Variants in TBC1D7 observed in about 807,000 individuals in gnomAD.
TBC1D7 encodes TBC1 domain family member 7.
TBC1D7 carries 33 observed loss-of-function variants against 35.3 expected under a neutral mutation model. The ratio of observed to expected loss-of-function variants is 0.93; its 90% CI spans 0.71 to 1.25. The LOEUF is 1.25. TBC1D7 is among the 50% of genes most tolerant of loss of function. TBC1D7 has a pLI of 0.00. For synonymous variants in TBC1D7, 135 were observed against 129.5 expected (o/e 1.04, Z -0.29); for missense variants, 362 against 365.3 (o/e 0.99, Z 0.07).
intron 5 of TBC1D7, among the ~76,000 whole-genome samples, chr6:13,315,811 T>C (rs1783566324): frequency 6.6e-6 from 1 of 152,236 alleles, no homozygotes; most frequent in Non-Finnish European, 1.5e-5. Context: ...AGTAGGTTAT[T>C]AGTAGTTAGG....
intron 5 of TBC1D7, among the ~76,000 whole-genome samples, chr6:13,308,119 T>C (rs1782936862): frequency 6.6e-6 from 1 of 152,166 alleles, no homozygotes; most frequent in Admixed American, 6.5e-5. Flanking sequence ...ATTATATTAC[T>C]GGCTGGTCTA....
At chr6:13,313,159 C>A (rs1783352274) in intron 5 of TBC1D7, among the ~76,000 whole-genome samples, 1 of 152,106 alleles carries the variant, frequency 6.6e-6, no homozygotes, top group South Asian at 2.1e-4. Context: ...GACTTGAACA[C>A]CCATGAATTT....
At position 13,306,509 on chromosome 6, in the gene TBC1D7, C is replaced by G. The variant is rs752958508; in HGVS notation, c.684G>C (p.Val228=). 2 of 1,602,770 alleles carry G rather than the reference C, an allele frequency of 1.2e-6. No individual in the cohort carries two copies. Among genetic ancestry groups the G allele is most frequent in the Admixed American group, 3.5e-5 (2 of 56,874 alleles). The part of the protein sequence containing the change: ...SSLQRVWDKV[V]SGSCKILVFV... The stretch of plus-strand genomic sequence containing the variant: ...AAACTAGGATCTTACAGGATCCACT[C>G]ACAACTTTATCCCAAACCCTACAAA... Residue 228 remains valine (V), a synonymous_variant, in exon 7 of 8, where the codon GTG becomes GTC. Transcript: ENST00000379300.
intron 3 of TBC1D7, among the ~76,000 whole-genome samples, chr6:13,322,622 AAGAACACCCC>A (rs1784120777): frequency 6.6e-6 from 1 of 152,328 alleles, no homozygotes. Context: ...TAGTATTCTA[AAGAACACCCC>A]AGAAAACAAA....
rs185412735 is a variant in TBC1D7 at position 13,307,636 on chromosome 6, C to T, written c.629G>A (p.Cys210Tyr). The T allele has an allele frequency of 8.1e-6, 13 of 1,614,176 alleles. No individual in the cohort carries two copies. The East Asian group carries it at 1.6e-4, about 19-fold the overall frequency. The change falls in exon 6 of 8, where the codon TGC (cysteine) becomes TAC (tyrosine). Residue 210 changes from cysteine (C) to tyrosine (Y), a missense_variant. Physicochemically the swap from Cys to Tyr is radical, Grantham distance 194 (BLOSUM62 -2). Transcript: ENST00000379300. ...KLPYDLWFKR[C>Y]FAGCLPESSL... is the part of the protein sequence containing the mutation. ...GGATTCAGGCAAACATCCCGCAAAG[C>T]ACCTCTTGAACCAGAGATCATAAGG...
chr6:13,305,339 G>A, intron 7 of TBC1D7, 152 bp from the exon 8 acceptor site: 1 of 752,042 alleles, frequency 1.3e-6, no homozygotes, highest in Middle Eastern at 2.3e-4. Flanking sequence ...CATGCTACCT[G>A]AGGACATGAA....
chr6:13,324,139 T>C (rs1584572350), intron 3 of TBC1D7, among the ~76,000 whole-genome samples: 1 of 152,072 alleles, frequency 6.6e-6, no homozygotes, highest in Admixed American at 6.5e-5. Flanking sequence ...TTTTGTTTTT[T>C]TTTTTGGAGA....
intron 5 of TBC1D7, among the ~76,000 whole-genome samples, chr6:13,316,193 G>T (rs1354586846): frequency 6.6e-6 from 1 of 152,178 alleles, no homozygotes; most frequent in Non-Finnish European, 1.5e-5. Context: ...ATTATATGCA[G>T]CCAAATGAAA....
chr6:13,320,765 G>T, intron 4 of TBC1D7, 143 bp downstream of exon 4: 1 of 816,276 alleles, frequency 1.2e-6, no homozygotes, highest in Non-Finnish European at 2.1e-6. Context: ...GGCCATGAAT[G>T]CCAAGTAAAG....
chr6:13,313,405 C>T (rs928275102), intron 5 of TBC1D7, among the ~76,000 whole-genome samples: 1 of 152,162 alleles, frequency 6.6e-6, no homozygotes, highest in Non-Finnish European at 1.5e-5. Context: ...AATGGGAAAT[C>T]TCATCATCTG....
chr6:13,313,232 ACT>A (rs1783359186), intron 5 of TBC1D7, among the ~76,000 whole-genome samples: 1 of 150,394 alleles, frequency 6.6e-6, no homozygotes, highest in African/African-American at 2.5e-5. Flanking sequence ...TATACCAATA[ACT>A]CTTACAAAGA....
At chr6:13,312,269 T>C (rs943342554) in intron 5 of TBC1D7, among the ~76,000 whole-genome samples, 2 of 152,148 alleles carry the variant, frequency 1.3e-5, no homozygotes, top group African/African-American at 2.4e-5. Context: ...AGGAGTGATG[T>C]GTTGGTAGAA....
At chr6:13,323,906 A>T (rs544935875) in intron 3 of TBC1D7, 1 of 152,382 alleles carries the variant, frequency 6.6e-6, no homozygotes, top group Non-Finnish European at 1.5e-5. Context: ...TAGGCAAGTT[A>T]CTTAGCCTCA....
At chr6:13,311,469 G>A (rs1197306223) in intron 5 of TBC1D7, among the ~76,000 whole-genome samples, 1 of 152,140 alleles carries the variant, frequency 6.6e-6, no homozygotes, top group African/African-American at 2.4e-5. Context: ...CATTTCCATA[G>A]AACTAAGCAG....
At chr6:13,312,903 G>A (rs1307462820) in intron 5 of TBC1D7, among the ~76,000 whole-genome samples, 1 of 151,870 alleles carries the variant, frequency 6.6e-6, no homozygotes, top group African/African-American at 2.4e-5. Context: ...CCAGGGTACA[G>A]TCGACCCTCA....
intron 5 of TBC1D7, 139 bp from the exon 6 acceptor site, chr6:13,307,884 C>CT: frequency 1.1e-6 from 1 of 921,536 alleles, no homozygotes; most frequent in Non-Finnish European, 1.6e-6. Context: ...ATCCAAGTCA[C>CT]TTGTGACACA....
chr6:13,316,746 G>A, intron 4 of TBC1D7, 38 bp from the exon 5 acceptor site: 3 of 1,607,414 alleles, frequency 1.9e-6, no homozygotes, highest in Non-Finnish European at 2.5e-6. Flanking sequence ...GGAAGGCAGT[G>A]AAAGAGAGGA....
At chr6:13,322,806 G>A (rs1784133732) in intron 3 of TBC1D7, among the ~76,000 whole-genome samples, 1 of 152,180 alleles carries the variant, frequency 6.6e-6, no homozygotes, top group South Asian at 2.1e-4. Flanking sequence ...GGCTAATACA[G>A]CTTAAACAGC....
At chr6:13,327,231 T>G (rs914072077) in intron 1 of TBC1D7, among the ~76,000 whole-genome samples, 2 of 152,032 alleles carry the variant, frequency 1.3e-5, no homozygotes, top group Non-Finnish European at 2.9e-5. Flanking sequence ...CTATTATAAA[T>G]GCGCAAAGAA....
Sources: gnomAD v4.1 joint callset for allele counts (sites outside exome capture counted in the v4.1 genomes callset) on GRCh38, gnomAD v4.1.1 for gene constraint, MANE v1.5 for transcripts, NCBI Gene and HGNC (gene_info 2026-07-23, HGNC 2026-07-21) for gene names.